The following PHGR1 variants were observed in gnomAD, a reference collection of about 807,000 sequenced individuals.
PHGR1 encodes the protein proline, histidine and glycine rich 1, also known as proline, histidine and glycine-rich protein 1.
A neutral mutation model predicts 4.9 loss-of-function variants in PHGR1; 3 were observed. The observed-to-expected ratio is 0.61, with a 90% CI of 0.28 to 1.58. The LOEUF is 1.58. Among genes scored for constraint, PHGR1 ranks in the 40% most tolerant of loss-of-function variants. PHGR1 has a pLI of 0.11. For synonymous variants in PHGR1, 32 were observed against 46.1 expected (o/e 0.69, Z 1.24); for missense variants, 81 against 118.7 (o/e 0.68, Z 1.48).
intron 2 of PHGR1, chr15:40,353,586 G>A (rs376539579): frequency 2.0e-5 from 7 of 341,948 alleles, no homozygotes; most frequent in African/African-American, 4.1e-5. Context: ...CAGCTGGGTC[G>A]GAATCCAGAA....
intron 3 of PHGR1, among the ~76,000 whole-genome samples, chr15:40,355,591 G>A (rs1889280703): frequency 6.6e-6 from 1 of 151,806 alleles, no homozygotes; most frequent in African/African-American, 2.4e-5. Context: ...CCCCTCCTCA[G>A]CTCTTTCATC....
At chr15:40,354,315 GCTT>G (rs1482040081) in intron 2 of PHGR1, 27 bp from the exon 3 acceptor site, 1 of 1,463,948 alleles carries the variant, frequency 6.8e-7, no homozygotes, top group Non-Finnish European at 9.0e-7. Context: ...GACCAAAGCT[GCTT>G]CTTTTTTTTC....
intron 1 of PHGR1, 79 bp downstream of exon 1, chr15:40,351,141 G>C (rs2141253728): frequency 6.5e-6 from 1 of 152,690 alleles, no homozygotes; most frequent in South Asian, 2.1e-4. Context: ...ATGTGGTCAG[G>C]GTCTCTCTGG....
chr15:40,355,333 T>G (rs986928084), intron 3 of PHGR1, among the ~76,000 whole-genome samples: 1 of 152,144 alleles, frequency 6.6e-6, no homozygotes, highest in Non-Finnish European at 1.5e-5. Flanking sequence ...TGGCATCCGC[T>G]CAGGAACAGG....
chr15:40,353,772 C>G (rs897357001), intron 2 of PHGR1: 1 of 182,700 alleles, frequency 5.5e-6, no homozygotes, highest in African/African-American at 2.4e-5. Flanking sequence ...CTGGATGGCT[C>G]CCATGTGGAT....
At chr15:40,353,680 C>T in intron 2 of PHGR1, 1 of 220,764 alleles carries the variant, frequency 4.5e-6, no homozygotes, top group South Asian at 7.9e-5. Flanking sequence ...CAGGTGATTC[C>T]CACACCAATG....
chr15:40,353,147 G>GTGCA (rs1491158872), intron 1 of PHGR1, 85 bp from the exon 2 acceptor site: 2 of 1,037,590 alleles, frequency 1.9e-6, no homozygotes, highest in African/African-American at 2.0e-5. Flanking sequence ...GTGTGTGTGT[G>GTGCA]CGCGCGCGCG....
intron 1 of PHGR1, 75 bp from the exon 2 acceptor site, chr15:40,353,157 G>GCA: frequency 5.2e-6 from 7 of 1,359,076 alleles, no homozygotes; most frequent in East Asian, 2.5e-5. Context: ...GCGCGCGCGC[G>GCA]CGCATCCGTG....
chr15:40,352,067 G>A (rs948596446), intron 1 of PHGR1, among the ~76,000 whole-genome samples: 1 of 152,152 alleles, frequency 6.6e-6, no homozygotes, highest in Non-Finnish European at 1.5e-5. Context: ...GCTGGGTGTG[G>A]TGGCACATAC....
intron 3 of PHGR1, 50 bp downstream of exon 3, chr15:40,354,402 C>T (rs1341480472): frequency 4.7e-6 from 7 of 1,504,424 alleles, no homozygotes; most frequent in Middle Eastern, 1.7e-4. Context: ...ACTGTCATGT[C>T]CTCCAGACCC....
chr15:40,355,822 G>A (rs148100028), intron 3 of PHGR1, among the ~76,000 whole-genome samples: 23 of 152,288 alleles, frequency 1.5e-4, no homozygotes, highest in South Asian at 8.3e-4. Flanking sequence ...TACAGGGAGC[G>A]GGAGTCATAT....
At chr15:40,354,471 G>A (rs1252990941) in intron 3 of PHGR1, 119 bp downstream of exon 3, 7 of 1,291,956 alleles carry the variant, frequency 5.4e-6, no homozygotes, top group Non-Finnish European at 7.4e-6. Flanking sequence ...TGAAAAGAAG[G>A]GAGCAGGCTC....
chr15:40,351,535 G>A (rs895421134), intron 1 of PHGR1, among the ~76,000 whole-genome samples: 4 of 152,188 alleles, frequency 2.6e-5, no homozygotes, highest in African/African-American at 4.8e-5. Context: ...GAAAGGACGA[G>A]GGAGCACGAA....
At chr15:40,353,796 G>C (rs1889246774) in intron 2 of PHGR1, 1 of 183,548 alleles carries the variant, frequency 5.4e-6, no homozygotes, top group African/African-American at 2.4e-5. Flanking sequence ...CTGCATGAGG[G>C]CAACACGCAG....
intron 1 of PHGR1, among the ~76,000 whole-genome samples, chr15:40,353,010 G>C (rs1889228577): frequency 6.6e-6 from 1 of 152,114 alleles, no homozygotes; most frequent in Non-Finnish European, 1.5e-5. Context: ...TGAACCCGCT[G>C]TGTCCATTTA....
intron 1 of PHGR1, among the ~76,000 whole-genome samples, chr15:40,351,640 C>T (rs1283099484): frequency 6.6e-6 from 1 of 152,152 alleles, no homozygotes. Flanking sequence ...GTGCAGGGGG[C>T]CGGGTGCAGT....
In PHGR1 at chr15:40,354,368, C is replaced by G; in HGVS notation, c.18+16C>G. The G allele has an allele frequency of 6.5e-7, 1 of 1,534,634 alleles. No individual in the cohort carries two copies. On this transcript the variant is annotated intron_variant, in intron 3 of 3. Coordinates refer to ENST00000448599, the MANE Select transcript of PHGR1 (RefSeq NM_001145643.2). Reference sequence around the variant, plus strand: ...AGGTCCGAAGGTAGGAAAGTTCCCCCAATGGTCTCCCCTTTTTCCTCCCAC... The same window carrying G: ...AGGTCCGAAGGTAGGAAAGTTCCCCGAATGGTCTCCCCTTTTTCCTCCCAC...
intron 3 of PHGR1, 153 bp from the exon 4 acceptor site, chr15:40,355,920 G>A (rs1017827406): frequency 1.3e-6 from 1 of 796,746 alleles, no homozygotes; most frequent in South Asian, 1.5e-5. Flanking sequence ...AAAAGGCACG[G>A]GACATGCTAC....
Position 40,356,236 on chromosome 15 carries a change from G to A in PHGR1, c.182G>A (p.Gly61Asp), listed in dbSNP as rs1204992874. 3.9e-6 allele frequency: 6 copies of A among 1,539,452 alleles called. No individual in the cohort carries two copies. The highest frequency in any genetic ancestry group is 5.3e-6 in the Non-Finnish European group (6 of 1,141,356). ...PGPCGPPPHH[G>D]PGPCGPPPGH... ...CCCTGCGGGCCACCCCCCCACCATG[G>A]TCCAGGGCCCTGCGGGCCTCCCCCT... The change falls in exon 4 of 4, where the codon GGT becomes GAT. Residue 61 changes from glycine (G) to aspartate (D), a missense_variant. Gly to Asp is a moderately conservative substitution (Grantham distance 94). Transcript: ENST00000448599.
Sources: allele counts gnomAD v4.1 joint callset (sites outside exome capture counted in the v4.1 genomes callset), GRCh38; gene constraint gnomAD v4.1.1; transcripts MANE v1.5; gene names NCBI Gene and HGNC (gene_info 2026-07-23, HGNC 2026-07-21).